The following AGXT2 variants were observed in gnomAD, a reference collection of about 807,000 sequenced individuals.
The protein encoded by AGXT2 is alanine--glyoxylate aminotransferase 2, mitochondrial.
A neutral mutation model predicts 62.5 loss-of-function variants in AGXT2; 61 were observed. That is an observed-to-expected ratio of 0.98 (90% CI 0.79 to 1.21). AGXT2 has a LOEUF of 1.21. AGXT2 is among the 50% of genes most tolerant of loss of function. The pLI, the probability that AGXT2 is intolerant of heterozygous loss-of-function variation, is 0.00. For synonymous variants in AGXT2, 243 were observed against 218.7 expected (o/e 1.11, Z -0.98); for missense variants, 666 against 641.5 (o/e 1.04, Z -0.41).
At chr5:35,013,218 T>A (rs1766709307) in intron 10 of AGXT2, among the ~76,000 whole-genome samples, 173 bp from the exon 11 acceptor site, 1 of 152,264 alleles carries the variant, frequency 6.6e-6, no homozygotes, top group Admixed American at 6.5e-5. Context: ...TCAAAATTTA[T>A]ATGGCTGAAG....
intron 8 of AGXT2, chr5:35,026,133 G>A (rs1447765749): frequency 8.5e-6 from 5 of 590,678 alleles, no homozygotes; most frequent in East Asian, 2.9e-5. Flanking sequence ...TTTGGACAAT[G>A]CGGATGTTAT....
At chr5:35,021,400 GC>G (rs1767076659) in intron 9 of AGXT2, among the ~76,000 whole-genome samples, 1 of 151,044 alleles carries the variant, frequency 6.6e-6, no homozygotes, top group Non-Finnish European at 1.5e-5. Flanking sequence ...ACAGAACAGA[GC>G]CCTCAGAAAT....
At position 35,014,065 on chromosome 5, in the gene AGXT2, C is replaced by T. The variant is rs762356643; in HGVS notation, c.1018G>A (p.Asp340Asn). The T allele has an allele frequency of 9.3e-6, 15 of 1,614,136 alleles. No individual in the cohort carries two copies. The highest frequency in any genetic ancestry group is 1.6e-4 in the Middle Eastern group (1 of 6,062). ...GSHFWGFQTH[D>N]VLPDIVTMAK... ...ATGGTGACAATGTCAGGCAGGACATCGTGGGTTTGGAAGCCCCAGAAGTGA... is the reference window on the plus strand; with the variant it reads ...ATGGTGACAATGTCAGGCAGGACATTGTGGGTTTGGAAGCCCCAGAAGTGA... The change falls in exon 10 of 14, where the codon GAT (aspartate) becomes AAT (asparagine). Residue 340 changes from aspartate (D) to asparagine (N), a missense_variant. Coordinates refer to ENST00000231420, the MANE Select transcript of AGXT2 (RefSeq NM_031900.4).
Position 35,000,750 on chromosome 5 carries a change from A to G in AGXT2, c.1438-1924T>C, listed in dbSNP as rs187242440. On this transcript the variant is annotated intron_variant, in intron 13 of 13. Coordinates refer to ENST00000231420, the MANE Select transcript of AGXT2 (RefSeq NM_031900.4). ...ATCTCACTGAGCTTCTCATCTAGAC[A>G]TTAGACTTCCTGGGAGATTTCCTCA... Among the ~76,000 whole-genome samples, 58 of 152,332 alleles carry G rather than the reference A, an allele frequency of 3.8e-4. No homozygotes were observed. The East Asian group carries it at 0.011, about 28-fold the overall frequency.
chr5:35,025,929 A>G (rs1263076576), intron 8 of AGXT2, 74 bp from the exon 9 acceptor site: 47 of 1,130,158 alleles, frequency 4.2e-5, no homozygotes, highest in Non-Finnish European at 5.5e-5. Context: ...AAGTTAGATC[A>G]TCATTATCAT....
At chr5:35,017,452 C>T (rs954571014) in intron 9 of AGXT2, among the ~76,000 whole-genome samples, 1 of 152,106 alleles carries the variant, frequency 6.6e-6, no homozygotes, top group African/African-American at 2.4e-5. Context: ...GGGTGGTTCC[C>T]CCATACTGTT....
At chr5:35,030,913 AG>A (rs1202316610) in intron 7 of AGXT2, among the ~76,000 whole-genome samples, 1 of 152,208 alleles carries the variant, frequency 6.6e-6, no homozygotes, top group Non-Finnish European at 1.5e-5. Context: ...TCTCTACAAA[AG>A]TTCTCCGTGC....
At chr5:35,007,338 T>C (rs1489467781) in intron 12 of AGXT2, among the ~76,000 whole-genome samples, 1 of 152,228 alleles carries the variant, frequency 6.6e-6, no homozygotes, top group Non-Finnish European at 1.5e-5. Context: ...AACTTTGCTA[T>C]AGCAGCCTGA....
In AGXT2 at chr5:35,040,563, C is replaced by A. The variant is rs781113360; in HGVS notation, c.177+12G>T. ...CTACCTCTTTGAGTTTTCTTAAAGC[C>A]CTGAATCTCACCTGGTATCTTTCAG... On this transcript the variant is annotated intron_variant, in intron 2 of 13. Transcript: ENST00000231420. 6.2e-7 allele frequency: 1 copy of A among 1,611,034 alleles called. No individual in the cohort carries two copies. Among genetic ancestry groups the A allele is most frequent in the South Asian group, 1.1e-5 (1 of 91,026 alleles).
At chr5:35,021,045 T>C in intron 9 of AGXT2, among the ~76,000 whole-genome samples, 1 of 152,170 alleles carries the variant, frequency 6.6e-6, no homozygotes, top group Non-Finnish European at 1.5e-5. Context: ...CAAGGAGAAC[T>C]ACAAACCACT....
In AGXT2 at chr5:35,032,784, G is replaced by A; in HGVS notation, c.717C>T (p.Ser239=). The change falls in exon 7 of 14, where the codon AGC becomes AGT. Residue 239 remains serine (S), a synonymous_variant. Coordinates refer to ENST00000231420, the MANE Select transcript of AGXT2 (RefSeq NM_031900.4). ...PDVFRGPWGG[S]HCRDSPVQTI... ...TTTGCACTGGAGAATCTCGACAGTG[G>A]CTTCCTCCCCAAGGGCCACGAAAAA... The A allele has an allele frequency of 6.2e-7, 1 of 1,609,198 alleles. No individual in the cohort carries two copies. The highest frequency in any genetic ancestry group is 1.1e-5 in the South Asian group (1 of 89,846).
chr5:35,013,936 A>T, intron 10 of AGXT2, 51 bp downstream of exon 10: 4 of 1,613,330 alleles, frequency 2.5e-6, no homozygotes, highest in Non-Finnish European at 3.4e-6. Context: ...GTTATACCAT[A>T]GCCCAATGTA....
At chr5:35,025,113 C>T (rs1214514060) in intron 9 of AGXT2, among the ~76,000 whole-genome samples, 1 of 151,930 alleles carries the variant, frequency 6.6e-6, no homozygotes, top group Non-Finnish European at 1.5e-5. Context: ...CGGTGGCTCA[C>T]GTCTCTAATG....
At chr5:35,020,341 C>A (rs985195684) in intron 9 of AGXT2, among the ~76,000 whole-genome samples, 5 of 152,106 alleles carry the variant, frequency 3.3e-5, no homozygotes, top group Non-Finnish European at 7.3e-5. Flanking sequence ...ACTGGCAAAA[C>A]GAATCCAGCA....
chr5:35,030,889 C>T (rs1474650306), intron 7 of AGXT2, among the ~76,000 whole-genome samples: 2 of 152,164 alleles, frequency 1.3e-5, no homozygotes, highest in Non-Finnish European at 2.9e-5. Flanking sequence ...CCAGGCATTG[C>T]TATGGTCTGT....
At chr5:35,014,562 G>A (rs557652380) in intron 9 of AGXT2, among the ~76,000 whole-genome samples, 118 of 151,462 alleles carry the variant, frequency 7.8e-4, no homozygotes, top group Non-Finnish European at 1.3e-3. Flanking sequence ...TGAGCATCCT[G>A]TAGTATCATG....
At chr5:35,042,925 T>C (rs150953377) in intron 1 of AGXT2, among the ~76,000 whole-genome samples, 1 of 152,344 alleles carries the variant, frequency 6.6e-6, no homozygotes, top group African/African-American at 2.4e-5. Context: ...CGACAGCTAA[T>C]GATTTTCATC....
intron 9 of AGXT2, among the ~76,000 whole-genome samples, chr5:35,020,377 G>T (rs1182728580): frequency 1.3e-5 from 2 of 152,172 alleles, no homozygotes; most frequent in African/African-American, 4.8e-5. Context: ...TATCCACCAT[G>T]ATCAAGAGGG....
chr5:35,014,959 A>G (rs1766797155), intron 9 of AGXT2, among the ~76,000 whole-genome samples: 1 of 152,194 alleles, frequency 6.6e-6, no homozygotes, highest in African/African-American at 2.4e-5. Context: ...AGGAGGACCC[A>G]GACGAGGCAG....
Sources: gnomAD v4.1 joint callset for allele counts (sites outside exome capture counted in the v4.1 genomes callset) on GRCh38, gnomAD v4.1.1 for gene constraint, MANE v1.5 for transcripts, NCBI Gene and HGNC (gene_info 2026-07-23, HGNC 2026-07-21) for gene names.